PACRG: variants seen among roughly 807,000 people sequenced by gnomAD.
PACRG encodes the protein parkin coregulated gene protein.
A neutral mutation model predicts 29.7 loss-of-function variants in PACRG; 29 were observed. That is an observed-to-expected ratio of 0.98 (90% confidence interval 0.73 to 1.33). The LOEUF is 1.33. Ranked by LOEUF, PACRG falls within the 40% of genes most tolerant of loss-of-function variation. The pLI is 0.00. For synonymous variants in PACRG, 116 were observed against 118.7 expected, an observed-to-expected ratio of 0.98 and a Z score of 0.15; for missense variants, 279 against 316.2, an observed-to-expected ratio of 0.88 and a Z score of 0.89.
At chr6:162,997,051 A>G (rs911947102) in intron 2 of PACRG, among the ~76,000 whole-genome samples, 2 of 152,188 alleles carry the variant, frequency 1.3e-5, no homozygotes, top group Non-Finnish European at 2.9e-5. Context: ...CCAAAAGTCA[A>G]TTAGAGCCTT....
chr6:162,917,571 A>C (rs1199275795), intron 2 of PACRG, among the ~76,000 whole-genome samples: 38 of 152,206 alleles, frequency 2.5e-4, no homozygotes, highest in Admixed American at 2.5e-3. Flanking sequence ...AGGTAGCCAG[A>C]TATAATTTTA....
intron 2 of PACRG, chr6:163,046,582 A>T (rs1378457960): frequency 6.6e-6 from 1 of 151,934 alleles, no homozygotes; most frequent in Non-Finnish European, 1.5e-5. Context: ...TTCACTACAT[A>T]CCAGTGATGG....
chr6:162,999,019 G>T (rs558368561), intron 2 of PACRG, among the ~76,000 whole-genome samples: 2 of 152,262 alleles, frequency 1.3e-5, no homozygotes, highest in East Asian at 1.9e-4. Flanking sequence ...GCACCAGTCT[G>T]CTGTTTCTCA....
At chr6:163,033,702 C>G (rs1211549644) in intron 2 of PACRG, among the ~76,000 whole-genome samples, 3 of 152,138 alleles carry the variant, frequency 2.0e-5, no homozygotes, top group African/African-American at 7.2e-5. Flanking sequence ...TTTTCCAAGC[C>G]AGGAATTGAA....
chr6:163,242,192 G>A (rs554398357), intron 4 of PACRG, among the ~76,000 whole-genome samples: 44 of 152,268 alleles, frequency 2.9e-4, no homozygotes, highest in African/African-American at 1.0e-3. Context: ...CTTTTCTCTT[G>A]CCCTATGGAC....
At chr6:162,862,372 G>T (rs1211463881) in intron 2 of PACRG, among the ~76,000 whole-genome samples, 1 of 152,176 alleles carries the variant, frequency 6.6e-6, no homozygotes, top group Non-Finnish European at 1.5e-5. Flanking sequence ...ACTCTGTGGT[G>T]GGGGAGAGGG....
At chr6:163,191,001 T>C in intron 4 of PACRG, 1 of 453,944 alleles carries the variant, frequency 2.2e-6, no homozygotes. Flanking sequence ...AGAAATCCCT[T>C]ATTTAGCATT....
At chr6:163,312,627 C>T (rs966623013) in intron 4 of PACRG, among the ~76,000 whole-genome samples, 5 of 151,418 alleles carry the variant, frequency 3.3e-5, no homozygotes, top group African/African-American at 1.2e-4. Flanking sequence ...AACCGGTGGA[C>T]TTCAAATGCA....
intron 2 of PACRG, among the ~76,000 whole-genome samples, chr6:162,902,124 A>G (rs1187269377): frequency 2.0e-5 from 3 of 152,222 alleles, no homozygotes; most frequent in African/African-American, 4.8e-5. Context: ...TGCATGCTAA[A>G]TATTTCAGCC....
rs758218465 is a variant in PACRG at position 163,314,969 on chromosome 6, G to C, written c.756G>C (p.Glu252Asp). 1 of 1,613,812 alleles carries C rather than the reference G, an allele frequency of 6.2e-7. No homozygotes were observed. The highest frequency in any genetic ancestry group is 1.1e-5 in the South Asian group (1 of 91,002). ...TTAAGTACGTGGTCCCAACCTACGAGTCTTGCTTGCTAAACTAACAGTGGC... is the reference window on the plus strand; with the variant it reads ...TTAAGTACGTGGTCCCAACCTACGACTCTTGCTTGCTAAACTAACAGTGGC... ...INIKYVVPTY[E>D]SCLLN The change falls in exon 5 of 5, where the codon GAG becomes GAC. Residue 252 changes from glutamate to aspartate, a missense_variant. Physicochemically the swap from Glu to Asp is conservative, Grantham distance 45. Transcript: ENST00000366888.
chr6:163,216,339 G>A (rs971132704), intron 4 of PACRG, among the ~76,000 whole-genome samples: 107 of 152,146 alleles, frequency 7.0e-4, no homozygotes, highest in African/African-American at 2.5e-3. Context: ...CATCACCAAG[G>A]AAACCAAGGT....
At chr6:163,092,869 C>A (rs1814237591) in intron 4 of PACRG, among the ~76,000 whole-genome samples, 1 of 152,120 alleles carries the variant, frequency 6.6e-6, no homozygotes, top group African/African-American at 2.4e-5. Context: ...TATTATGTAA[C>A]AACACAACCA....
upstream of PACRG, chr6:162,727,743 A>C (rs751054800): frequency 3.4e-6 from 5 of 1,472,848 alleles, no homozygotes; most frequent in African/African-American, 2.8e-5. Context: ...GCCTCCCACC[A>C]GCGGCTCTCC....
At chr6:163,186,810 G>A (rs1465679070) in intron 4 of PACRG, among the ~76,000 whole-genome samples, 13 of 152,242 alleles carry the variant, frequency 8.5e-5, no homozygotes, top group African/African-American at 3.1e-4. Context: ...CCCTGGAGGT[G>A]CTTCTGTTCC....
intron 4 of PACRG, among the ~76,000 whole-genome samples, chr6:163,168,785 G>A (rs1354304903): frequency 6.6e-6 from 1 of 152,082 alleles, no homozygotes; most frequent in Non-Finnish European, 1.5e-5. Context: ...TTTTAAATGG[G>A]AATTTTTGAA....
chr6:163,085,825 T>C (rs1419171338), intron 3 of PACRG, among the ~76,000 whole-genome samples: 1 of 152,210 alleles, frequency 6.6e-6, no homozygotes, highest in Non-Finnish European at 1.5e-5. Context: ...TTGTCATACT[T>C]GTTTAATATC....
chr6:162,916,996 T>A (rs776348587), intron 2 of PACRG, among the ~76,000 whole-genome samples: 1 of 152,150 alleles, frequency 6.6e-6, no homozygotes, highest in Admixed American at 6.6e-5. Context: ...TTCCCAAAAG[T>A]TGGAACATCC....
chr6:162,947,396 A>C (rs369728941), intron 2 of PACRG, among the ~76,000 whole-genome samples: 888 of 43,846 alleles, frequency 0.02, 49 homozygotes, highest in Middle Eastern at 0.06. Context: ...AATCATATAT[A>C]ATATATAATC....
Position 163,228,448 on chromosome 6 carries a change from G to A in PACRG, c.614-86379G>A, listed in dbSNP as rs77694688. On this transcript the variant is annotated intron_variant, in intron 4 of 4. Coordinates refer to ENST00000366888, the MANE Select transcript of PACRG (RefSeq NM_001080379.2). ...AGAAGAGTACCTGGCACACAGCGGA[G>A]GCTCAACATGTGCTGGATTAATTCA... 5.3e-3 allele frequency among the ~76,000 whole-genome samples: 799 copies of A among 150,780 alleles called. 10 individuals are homozygous for A. The highest frequency in any genetic ancestry group is 0.018 in the African/African-American group (718 of 41,012).
Sources: gnomAD v4.1 joint callset for allele counts (sites outside exome capture counted in the v4.1 genomes callset) on GRCh38, gnomAD v4.1.1 for gene constraint, MANE v1.5 for transcripts, NCBI Gene and HGNC (gene_info 2026-07-23, HGNC 2026-07-21) for gene names.